PDGFC: variants seen among roughly 807,000 people sequenced by gnomAD.
The protein encoded by PDGFC is platelet-derived growth factor C.
Under a neutral mutation model 35.5 loss-of-function variants are expected in PDGFC, and 12 were observed. The observed-to-expected ratio is 0.34, with a 90% CI of 0.22 to 0.55. The LOEUF (loss-of-function observed/expected upper bound fraction) is 0.55. Among genes scored for constraint, PDGFC ranks in the 20% least tolerant of loss-of-function variants. PDGFC has a pLI of 0.91. For missense variants in PDGFC, 322 were observed against 412.4 expected, an observed-to-expected ratio of 0.78 and a Z score of 1.90; for synonymous variants, 159 against 148.8, an observed-to-expected ratio of 1.07 and a Z score of -0.50.
chr4:156,804,946 A>C (rs148070289), intron 3 of PDGFC, among the ~76,000 whole-genome samples: 183 of 152,146 alleles, frequency 1.2e-3, no homozygotes, highest in African/African-American at 4.1e-3. Context: ...ACTTACAATA[A>C]TCTGTCTGCC....
chr4:156,888,343 G>T (rs183417033), intron 1 of PDGFC, among the ~76,000 whole-genome samples: 1 of 152,200 alleles, frequency 6.6e-6, no homozygotes, highest in Admixed American at 6.5e-5. Flanking sequence ...TAGCCAACTG[G>T]CCACTATACA....
intron 1 of PDGFC, among the ~76,000 whole-genome samples, chr4:156,866,361 A>G (rs1729842306): frequency 6.6e-6 from 1 of 152,162 alleles, no homozygotes; most frequent in Non-Finnish European, 1.5e-5. Context: ...CAGCAAAAAA[A>G]GCTCATTTGG....
intron 1 of PDGFC, among the ~76,000 whole-genome samples, chr4:156,966,788 A>G (rs1433288976): frequency 6.6e-6 from 1 of 152,232 alleles, no homozygotes; most frequent in African/African-American, 2.4e-5. Flanking sequence ...ACGATATATT[A>G]GTCCCTGAGG....
intron 3 of PDGFC, among the ~76,000 whole-genome samples, chr4:156,804,069 G>A (rs924070167): frequency 6.8e-6 from 1 of 148,044 alleles, no homozygotes; most frequent in African/African-American, 2.6e-5. Flanking sequence ...TTATGGGAAA[G>A]TCCCACTCTT....
At chr4:156,931,174 A>C (rs1302180580) in intron 1 of PDGFC, among the ~76,000 whole-genome samples, 1 of 152,194 alleles carries the variant, frequency 6.6e-6, no homozygotes, top group Non-Finnish European at 1.5e-5. Context: ...ACCTTCCAGA[A>C]CTTGAAACTG....
At chr4:156,821,172 T>A (rs1357524660) in intron 2 of PDGFC, among the ~76,000 whole-genome samples, 1 of 48,816 alleles carries the variant, frequency 2.0e-5, no homozygotes, top group African/African-American at 2.9e-4. Flanking sequence ...CTGTTGTATG[T>A]GTGTGTGTGT....
intron 1 of PDGFC, among the ~76,000 whole-genome samples, chr4:156,930,523 T>A (rs544232762): frequency 6.6e-6 from 1 of 152,256 alleles, no homozygotes; most frequent in African/African-American, 2.4e-5. Context: ...AAAACAGAAA[T>A]GAAATCCCAT....
intron 3 of PDGFC, among the ~76,000 whole-genome samples, chr4:156,796,502 T>A (rs2110898825): frequency 6.6e-6 from 1 of 150,680 alleles, no homozygotes; most frequent in East Asian, 1.9e-4. Context: ...TTTTTTTTTT[T>A]TTTTTTTTTT....
intron 3 of PDGFC, among the ~76,000 whole-genome samples, chr4:156,793,130 T>C (rs916327884): frequency 2.0e-5 from 3 of 152,132 alleles, no homozygotes; most frequent in African/African-American, 7.2e-5. Flanking sequence ...CATTAAACAG[T>C]AAAATTCTGA....
At chr4:156,825,593 TAAGAAGAAGAAG>T (rs60033232) in intron 2 of PDGFC, among the ~76,000 whole-genome samples, 749 of 62,136 alleles carry the variant, frequency 0.012, 10 homozygotes, top group South Asian at 0.02. Flanking sequence ...ATAATAATAA[TAAGAAGAAGAAG>T]AAGAAGAAGA....
At chr4:156,787,699 C>T (rs1023896236) in intron 3 of PDGFC, among the ~76,000 whole-genome samples, 4 of 151,960 alleles carry the variant, frequency 2.6e-5, no homozygotes, top group African/African-American at 9.7e-5. Context: ...AGGAGGCACA[C>T]TTGAGTGGTC....
chr4:156,854,349 T>C (rs1026639866), intron 1 of PDGFC, among the ~76,000 whole-genome samples: 5 of 152,174 alleles, frequency 3.3e-5, no homozygotes, highest in African/African-American at 1.2e-4. Context: ...ATAAAGCGCA[T>C]GGCTAAAATA....
At chr4:156,820,605 G>A (rs555306062) in intron 2 of PDGFC, among the ~76,000 whole-genome samples, 2 of 152,224 alleles carry the variant, frequency 1.3e-5, no homozygotes, top group African/African-American at 4.8e-5. Flanking sequence ...CAGTGATCTG[G>A]TACCTAACCA....
At chr4:156,958,616 A>C (rs539051071) in intron 1 of PDGFC, among the ~76,000 whole-genome samples, 2 of 152,042 alleles carry the variant, frequency 1.3e-5, no homozygotes, top group Admixed American at 6.6e-5. Flanking sequence ...TCAACATAAA[A>C]ATTATTTCGT....
chr4:156,885,295 A>C (rs1348805210), intron 1 of PDGFC, among the ~76,000 whole-genome samples: 1 of 152,202 alleles, frequency 6.6e-6, no homozygotes, highest in African/African-American at 2.4e-5. Flanking sequence ...CATTTTACTA[A>C]GATACAGTGA....
chr4:156,793,563 A>ATATATATAT (rs1491330936), intron 3 of PDGFC, among the ~76,000 whole-genome samples: 2 of 123,408 alleles, frequency 1.6e-5, no homozygotes, highest in African/African-American at 3.3e-5. Flanking sequence ...ATATATATAT[A>ATATATATAT]AAACACTTTA....
At chr4:156,796,628 A>T (rs2110899396) in intron 3 of PDGFC, among the ~76,000 whole-genome samples, 1 of 150,416 alleles carries the variant, frequency 6.6e-6, no homozygotes, top group African/African-American at 2.4e-5. Context: ...TTTCACTATA[A>T]TTTTTCCCAT....
At chr4:156,934,523 A>ATGCT (rs1403119652) in intron 1 of PDGFC, among the ~76,000 whole-genome samples, 1 of 152,106 alleles carries the variant, frequency 6.6e-6, no homozygotes, top group African/African-American at 2.4e-5. Context: ...TAAAGGCTAA[A>ATGCT]TGCTTATGCT....
intron 2 of PDGFC, among the ~76,000 whole-genome samples, chr4:156,844,127 G>A (rs1021634987): frequency 1.3e-5 from 2 of 152,102 alleles, no homozygotes; most frequent in African/African-American, 4.8e-5. Context: ...ATCTGTCAAT[G>A]TAAAATTTTC....
Sources: gnomAD v4.1 joint callset for allele counts (sites outside exome capture counted in the v4.1 genomes callset) on GRCh38, gnomAD v4.1.1 for gene constraint, MANE v1.5 for transcripts, NCBI Gene and HGNC (gene_info 2026-07-23, HGNC 2026-07-21) for gene names.